BNIP1: variants seen among roughly 807,000 people sequenced by gnomAD.
BNIP1 encodes the protein vesicle transport protein SEC20.
A neutral mutation model predicts 28.5 loss-of-function variants in BNIP1; 25 were observed. The ratio of observed to expected loss-of-function variants is 0.88; its 90% CI spans 0.64 to 1.23. The LOEUF is 1.23. Ranked by LOEUF, BNIP1 falls within the 50% of genes most tolerant of loss-of-function variation. The pLI, the probability that BNIP1 is intolerant of heterozygous loss-of-function variation, is 0.00. For synonymous variants in BNIP1, 118 were observed against 101.7 expected (o/e 1.16, Z -0.96); for missense variants, 276 against 277.0 (o/e 1.00, Z 0.02).
At chr5:173,157,023 T>C (rs1440991409) in intron 3 of BNIP1, among the ~76,000 whole-genome samples, 1 of 152,102 alleles carries the variant, frequency 6.6e-6, no homozygotes, top group Non-Finnish European at 1.5e-5. Context: ...TTGTGCTTGC[T>C]TGGGTCATCA....
chr5:173,153,597 T>C (rs535485267), intron 2 of BNIP1, among the ~76,000 whole-genome samples: 2 of 152,276 alleles, frequency 1.3e-5, no homozygotes, highest in South Asian at 4.1e-4. Flanking sequence ...AATTGAACCC[T>C]AGATCAGTGG....
intron 2 of BNIP1, among the ~76,000 whole-genome samples, chr5:173,148,203 A>G (rs1318896394): frequency 7.1e-6 from 1 of 141,212 alleles, no homozygotes; most frequent in Admixed American, 7.4e-5. Context: ...GGCTCAAGCA[A>G]TCCTCCTGCC....
At chr5:173,156,478 T>TA (rs572261030) in intron 3 of BNIP1, among the ~76,000 whole-genome samples, 4,353 of 143,638 alleles carry the variant, frequency 0.03, 194 homozygotes, top group African/African-American at 0.1. Context: ...CCTCATCTAT[T>TA]AAAAAAAAAA....
At chr5:173,153,611 G>A (rs1032757134) in intron 2 of BNIP1, among the ~76,000 whole-genome samples, 1 of 152,144 alleles carries the variant, frequency 6.6e-6, no homozygotes, top group Non-Finnish European at 1.5e-5. Context: ...TCAGTGGAAG[G>A]AGCAGCTCCC....
At chr5:173,156,608 C>T (rs1378969723) in intron 3 of BNIP1, among the ~76,000 whole-genome samples, 2 of 151,252 alleles carry the variant, frequency 1.3e-5, no homozygotes, top group Admixed American at 6.6e-5. Flanking sequence ...TGTGACTGCA[C>T]CTGGCCTAGG....
chr5:173,160,583 G>T (rs1054999164), intron 5 of BNIP1, among the ~76,000 whole-genome samples: 1 of 152,168 alleles, frequency 6.6e-6, no homozygotes, highest in East Asian at 1.9e-4. Flanking sequence ...TGTTTCCTCA[G>T]GGGGAGCATT....
In BNIP1 at chr5:173,156,502, G is replaced by A. The variant is rs937371061; in HGVS notation, c.269+2089G>A. Among the ~76,000 whole-genome samples the A allele has an allele frequency of 1.1e-4, 17 of 152,000 alleles. 1 individual carries two copies. The highest frequency in any genetic ancestry group is 3.2e-3 in the Middle Eastern group (1 of 316). On this transcript the variant is annotated intron_variant, in intron 3 of 5. Transcript: ENST00000351486. Reference sequence around the variant, plus strand: ...TTAAAAAAAAAAAAAATTAGCTGGGGGCATGCTGATGTGTGCCTGTAGTCT... The same window carrying A: ...TTAAAAAAAAAAAAAATTAGCTGGGAGCATGCTGATGTGTGCCTGTAGTCT...
chr5:173,155,178 A>G (rs1452447099), intron 3 of BNIP1, among the ~76,000 whole-genome samples: 14 of 152,210 alleles, frequency 9.2e-5, no homozygotes, highest in Admixed American at 9.2e-4. Flanking sequence ...GTCAAAAATT[A>G]AAACCAAAAT....
rs558565012 is a variant in BNIP1, at chr5:173,151,602, T to C, written c.178-2720T>C. ...TCAAAGGGCATTTATTTGGACTGCT[T>C]CCACATTTTTTTTTAAGCTAACTTA... On this transcript the variant is annotated intron_variant, in intron 2 of 5. Transcript: ENST00000351486. The C allele has an allele frequency of 3.7e-6, 6 of 1,613,734 alleles. No individual in the cohort carries two copies. In the Admixed American group the frequency reaches 6.7e-5, roughly 18 times the overall value.
intron 2 of BNIP1, among the ~76,000 whole-genome samples, chr5:173,148,084 ATATATATATATATATAT>A (rs1276678860): frequency 0.086 from 1,450 of 16,834 alleles, 173 homozygotes; most frequent in Non-Finnish European, 0.11. Context: ...AAAAAAAAAA[ATATATATATATATATAT>A]ATATATATAT....
chr5:173,158,832 C>T lies in BNIP1; in HGVS notation c.358C>T (p.Leu120Phe). 6.2e-7 allele frequency: 1 copy of T among 1,613,282 alleles called. No homozygotes were observed. Among genetic ancestry groups the T allele is most frequent in the Non-Finnish European group, 8.5e-7 (1 of 1,179,422 alleles). Residue 120 changes from leucine (L) to phenylalanine (F), a missense_variant, in exon 4 of 6, where the codon CTC (leucine) becomes TTC (phenylalanine). Leu to Phe is a conservative substitution (Grantham distance 22). Transcript: ENST00000351486. ...AGCAGAACTTCTTCAGGGAGGAGAT[C>T]TCTTAAGGCAAAGGTACCTATTCTT... ...EKAELLQGGDLLRQRKTTKES... is the reference protein window; with the variant it reads ...EKAELLQGGDFLRQRKTTKES...
At chr5:173,162,386 G>C (rs1300824734) in intron 5 of BNIP1, among the ~76,000 whole-genome samples, 1 of 152,218 alleles carries the variant, frequency 6.6e-6, no homozygotes, top group Non-Finnish European at 1.5e-5. Context: ...CACTTTGGGA[G>C]GCCAAGGCGG....
At position 173,144,569 on chromosome 5, in the gene BNIP1, C is replaced by T. The variant is rs1581064532; in HGVS notation, c.24C>T (p.His8=). Residue 8 remains histidine, a synonymous_variant, in exon 1 of 6, where the codon CAC becomes CAT. Coordinates refer to ENST00000351486, the MANE Select transcript of BNIP1 (RefSeq NM_001205.3). The part of the protein sequence containing the change: MAAPQDV[H]VRICNQEIVK... ...ACATGGCGGCTCCCCAAGACGTCCA[C>T]GTCCGGATCTGTAACCAAGAGATTG... The T allele has an allele frequency of 5.6e-6, 9 of 1,614,080 alleles. No homozygotes were observed. The highest frequency in any genetic ancestry group is 7.6e-6 in the Non-Finnish European group (9 of 1,180,018).
chr5:173,151,771 C>T, intron 2 of BNIP1: 1 of 1,588,556 alleles, frequency 6.3e-7, no homozygotes, highest in Non-Finnish European at 8.6e-7. Flanking sequence ...AAAATGACCT[C>T]ACCAATACGT....
intron 2 of BNIP1, among the ~76,000 whole-genome samples, chr5:173,153,258 C>G (rs890652144): frequency 1.3e-5 from 2 of 151,214 alleles, no homozygotes; most frequent in Non-Finnish European, 2.9e-5. Context: ...GAGACAGTCT[C>G]TCTCTGTCGC....
At chr5:173,162,252 A>C (rs959764167) in intron 5 of BNIP1, among the ~76,000 whole-genome samples, 10 of 152,352 alleles carry the variant, frequency 6.6e-5, no homozygotes, top group African/African-American at 2.2e-4. Context: ...AAAATATTAT[A>C]ATTTCAATGT....
intron 2 of BNIP1, chr5:173,151,451 G>T: frequency 9.4e-7 from 1 of 1,063,170 alleles, no homozygotes; most frequent in Non-Finnish European, 1.3e-6. Flanking sequence ...TGAACTCCTG[G>T]ACTCAAGTGA....
In BNIP1 at chr5:173,163,840, G is replaced by A; in HGVS notation, c.606G>A (p.Lys202=). 3 of 1,614,060 alleles carry A rather than the reference G, an allele frequency of 1.9e-6. No homozygotes were observed. The highest frequency in any genetic ancestry group is 2.5e-6 in the Non-Finnish European group (3 of 1,179,968). ...TKYNRRELTD[K]LLIFLALALF... ...ACAATCGCCGGGAGCTGACGGACAA[G>A]CTTCTCATCTTCCTTGCGCTAGCCC... The change falls in exon 6 of 6, where the codon AAG becomes AAA. Residue 202 remains lysine (K), a synonymous_variant. Coordinates refer to ENST00000351486, the MANE Select transcript of BNIP1 (RefSeq NM_001205.3).
chr5:173,144,776 C>T, intron 1 of BNIP1, 147 bp downstream of exon 1: 3 of 821,584 alleles, frequency 3.7e-6, no homozygotes, highest in East Asian at 2.8e-5. Flanking sequence ...CCCCCCGGTC[C>T]CCATTTGGTT....
Sources: allele counts gnomAD v4.1 joint callset (sites outside exome capture counted in the v4.1 genomes callset), GRCh38; gene constraint gnomAD v4.1.1; transcripts MANE v1.5; gene names NCBI Gene and HGNC (gene_info 2026-07-23, HGNC 2026-07-21).